ANOS1: variants seen among roughly 807,000 people sequenced by gnomAD.
ANOS1 encodes anosmin 1.
Under a neutral mutation model 59.0 loss-of-function variants are expected in ANOS1, and 6 were observed. That is an observed-to-expected ratio of 0.10 (90% confidence interval 0.06 to 0.20). ANOS1 has a LOEUF of 0.20. Among genes scored for constraint, ANOS1 ranks in the 10% least tolerant of loss-of-function variants. The pLI is 1.00. For missense variants in ANOS1, 433 were observed against 542.3 expected (o/e 0.80, Z 2.00); for synonymous variants, 217 against 223.4 (o/e 0.97, Z 0.25).
At chrX:8,667,343 T>G (rs930014122) in intron 2 of ANOS1, among the ~76,000 whole-genome samples, 2 of 110,697 alleles carry the variant, frequency 1.8e-5, no homozygotes, top group African/African-American at 6.6e-5. Context: ...GGTTGTTTTC[T>G]TGAGACAGAG....
chrX:8,577,583 T>G (rs1930351559), intron 6 of ANOS1, among the ~76,000 whole-genome samples: 1 of 112,623 alleles, frequency 8.9e-6, no homozygotes, highest in Non-Finnish European at 1.9e-5. Flanking sequence ...ATATTTAGCA[T>G]GTATACCCAA....
chrX:8,626,111 C>CAAAAAAAAAAAAA (rs138234272), intron 2 of ANOS1, among the ~76,000 whole-genome samples: 3 of 24,520 alleles, frequency 1.2e-4, no homozygotes, highest in African/African-American at 4.6e-4. Context: ...GACTCTGTCT[C>CAAAAAAAAAAAAA]AAAAAAAAAA....
intron 2 of ANOS1, among the ~76,000 whole-genome samples, chrX:8,646,043 C>T (rs192683022): frequency 8.0e-4 from 89 of 111,666 alleles, no homozygotes; most frequent in African/African-American, 2.8e-3. Flanking sequence ...CCCCTCCCCC[C>T]TCAGCCTCCC....
intron 2 of ANOS1, among the ~76,000 whole-genome samples, chrX:8,670,960 A>C (rs1932245196): frequency 9.0e-6 from 1 of 110,753 alleles, no homozygotes; most frequent in Admixed American, 9.7e-5. Flanking sequence ...CCATCTCCCG[A>C]AATCCATCCG....
intron 3 of ANOS1, among the ~76,000 whole-genome samples, chrX:8,615,560 GA>G (rs1483905862): frequency 4.1e-5 from 4 of 96,970 alleles, no homozygotes; most frequent in South Asian, 4.8e-4. Context: ...AAAAAAAAAA[GA>G]AAAGAAAAGA....
rs151241163 is a variant in ANOS1 at position 8,574,906 on chromosome X, T to C, written c.857-4202A>G. On this transcript the variant is annotated intron_variant, in intron 6 of 13. Transcript: ENST00000262648. ...CTAATACACAAACTGACTTATTAGG[T>C]ACCTTGTTTGCTGTCTGCTTCTACT... is the stretch of plus-strand genomic sequence containing the variant. 2.7e-3 allele frequency among the ~76,000 whole-genome samples: 298 copies of C among 111,733 alleles called. 1 individual carries two copies. The highest frequency in any genetic ancestry group is 9.4e-3 in the African/African-American group (288 of 30,737).
At chrX:8,725,639 GATAT>G (rs1192765875) in intron 1 of ANOS1, among the ~76,000 whole-genome samples, 2 of 37,440 alleles carry the variant, frequency 5.3e-5, no homozygotes, top group African/African-American at 1.3e-4. Context: ...TATATATACA[GATAT>G]ATATACAGAT....
At chrX:8,662,347 T>G (rs1258975086) in intron 2 of ANOS1, among the ~76,000 whole-genome samples, 1 of 112,072 alleles carries the variant, frequency 8.9e-6, no homozygotes, top group Non-Finnish European at 1.9e-5. Flanking sequence ...AAAGGGGCCT[T>G]GCATTCTCAT....
chrX:8,673,715 C>T (rs1445146477), intron 2 of ANOS1, among the ~76,000 whole-genome samples: 1 of 111,277 alleles, frequency 9.0e-6, no homozygotes, highest in Non-Finnish European at 1.9e-5. Flanking sequence ...AACGTTAACT[C>T]AACTCATATT....
At chrX:8,701,009 C>T (rs953249636) in intron 1 of ANOS1, among the ~76,000 whole-genome samples, 1 of 110,941 alleles carries the variant, frequency 9.0e-6, no homozygotes, top group Non-Finnish European at 1.9e-5. Context: ...AACTCCATCT[C>T]AAAAAAATAA....
At chrX:8,594,643 CATATATATATATGTGTATATATATATAT>C (rs1930679254) in intron 4 of ANOS1, among the ~76,000 whole-genome samples, 1 of 45,679 alleles carries the variant, frequency 2.2e-5, no homozygotes, top group Admixed American at 2.8e-4. Context: ...AAAAAATCTA[CATATATATATATGTGTATATATATATAT>C]ATATATATAT....
intron 3 of ANOS1, among the ~76,000 whole-genome samples, chrX:8,600,818 C>T (rs1930827073): frequency 8.9e-6 from 1 of 112,295 alleles, no homozygotes; most frequent in African/African-American, 3.2e-5. Flanking sequence ...AATTCATATA[C>T]ATTACACACA....
In ANOS1 at chrX:8,645,563, T is replaced by C. The variant is rs1931739104; in HGVS notation, c.256-21893A>G. ...CTCCACTCTTCTTCTGAATGTGTTC[T>C]CTTTAAGCTTTGTTGTTGTTGCTGT... On this transcript the variant is annotated intron_variant, in intron 2 of 13. Transcript: ENST00000262648. Among the ~76,000 whole-genome samples, 4 of 112,054 alleles carry C rather than the reference T, an allele frequency of 3.6e-5. No individual in the cohort carries two copies. In the South Asian group the frequency reaches 1.1e-3, roughly 31 times the overall value.
intron 2 of ANOS1, among the ~76,000 whole-genome samples, chrX:8,692,261 T>C (rs7062269): frequency 0.049 from 5,419 of 111,729 alleles, 341 homozygotes; most frequent in African/African-American, 0.17. Context: ...TATTGGAACA[T>C]AGCCACTCTT....
At chrX:8,645,857 C>T (rs759859974) in intron 2 of ANOS1, among the ~76,000 whole-genome samples, 13 of 112,523 alleles carry the variant, frequency 1.2e-4, no homozygotes, top group South Asian at 7.4e-4. Context: ...AGGGTTTCAA[C>T]GTGGTCTCGA....
intron 3 of ANOS1, among the ~76,000 whole-genome samples, chrX:8,614,492 A>T (rs1011509706): frequency 9.0e-5 from 10 of 111,470 alleles, no homozygotes; most frequent in African/African-American, 3.3e-4. Context: ...CTTCCTAACT[A>T]CAAAACTCAG....
In ANOS1 at chrX:8,705,873, A is replaced by G. The variant is rs1005898066; in HGVS notation, c.208-6128T>C. On this transcript the variant is annotated intron_variant, in intron 1 of 13. Transcript: ENST00000262648. ...CTCTAGAACCATCATTGTAACCTCC[A>G]GGTAGGATTAGACAGTGGGACTTTT... 1.8e-4 allele frequency among the ~76,000 whole-genome samples: 20 copies of G among 112,574 alleles called. 1 individual carries two copies. Among genetic ancestry groups the G allele is most frequent in the African/African-American group, 6.4e-4 (20 of 31,043 alleles).
At position 8,637,238 on chromosome X, in the gene ANOS1, T is replaced by G. The variant is rs768446447; in HGVS notation, c.256-13568A>C. ...TTGCACAGGGTTTAGAAGAGCCTCC[T>G]TCATACTGTGGGCAATGCAAATGTC... On this transcript the variant is annotated intron_variant, in intron 2 of 13. Coordinates refer to ENST00000262648, the MANE Select transcript of ANOS1 (RefSeq NM_000216.4). 2.7e-5 allele frequency among the ~76,000 whole-genome samples: 3 copies of G among 112,241 alleles called. No individual in the cohort carries two copies. In the South Asian group the frequency reaches 1.1e-3, roughly 42 times the overall value.
chrX:8,553,855 A>G, intron 9 of ANOS1, 97 bp downstream of exon 9: 2 of 828,913 alleles, frequency 2.4e-6, no homozygotes, highest in Non-Finnish European at 3.6e-6. Flanking sequence ...TTGCCTTAGT[A>G]TTGATACTGT....
Sources: allele counts gnomAD v4.1 joint callset (sites outside exome capture counted in the v4.1 genomes callset), GRCh38; gene constraint gnomAD v4.1.1; transcripts MANE v1.5; gene names NCBI Gene and HGNC (gene_info 2026-07-23, HGNC 2026-07-21).